ITGA1: variants seen among roughly 807,000 people sequenced by gnomAD.
ITGA1 encodes the protein integrin subunit alpha 1, also known as integrin alpha-1.
Under a neutral mutation model 145.9 loss-of-function variants are expected in ITGA1, and 85 were observed. The ratio of observed to expected loss-of-function variants is 0.58; its 90% CI spans 0.49 to 0.70. The LOEUF (loss-of-function observed/expected upper bound fraction) is 0.70. Among genes scored for constraint, ITGA1 ranks in the 30% least tolerant of loss-of-function variants. ITGA1 has a pLI of 0.00. For missense variants in ITGA1, 1,351 were observed against 1,418.7 expected (o/e 0.95, Z 0.77); for synonymous variants, 520 against 495.3 (o/e 1.05, Z -0.66).
At position 52,897,619 on chromosome 5, in the gene ITGA1, C is replaced by G. The variant is rs547998874; in HGVS notation, c.1164+91C>G. On this transcript the variant is annotated intron_variant, in intron 10 of 28. Coordinates refer to ENST00000282588, the MANE Select transcript of ITGA1 (RefSeq NM_181501.2). ...TCTAGCCATCAGTATGTAAGTGCAACGTGCAGTTCATAGCTTGAACAATTA... is the reference window on the plus strand; with the variant it reads ...TCTAGCCATCAGTATGTAAGTGCAAGGTGCAGTTCATAGCTTGAACAATTA... 3.6e-6 allele frequency: 3 copies of G among 839,062 alleles called. No homozygotes were observed. The African/African-American group carries it at 5.0e-5, about 14-fold the overall frequency. The allele number at this position is 839,062 out of a possible 1,614,324, so 52.0% of individuals were successfully genotyped here. A position where few individuals can be genotyped will look rare whatever the true frequency, so the allele number is the denominator to read the frequency against.
At chr5:52,875,741 C>T (rs909497132) in intron 6 of ITGA1, among the ~76,000 whole-genome samples, 1 of 152,192 alleles carries the variant, frequency 6.6e-6, no homozygotes, top group African/African-American at 2.4e-5. Flanking sequence ...GTCATCCCTG[C>T]ATACCCATTT....
intron 1 of ITGA1, among the ~76,000 whole-genome samples, chr5:52,829,115 C>T (rs751093262): frequency 6.6e-6 from 1 of 152,100 alleles, no homozygotes; most frequent in Non-Finnish European, 1.5e-5. Flanking sequence ...TTACAGATAC[C>T]GATACCGGGG....
At chr5:52,840,535 G>T (rs781214602) in intron 1 of ITGA1, among the ~76,000 whole-genome samples, 2 of 152,140 alleles carry the variant, frequency 1.3e-5, no homozygotes, top group Non-Finnish European at 2.9e-5. Context: ...GTGGTGAAGG[G>T]GGTTGGTTTC....
At chr5:52,845,769 A>C (rs1365299879) in intron 1 of ITGA1, among the ~76,000 whole-genome samples, 2 of 152,198 alleles carry the variant, frequency 1.3e-5, no homozygotes, top group African/African-American at 4.8e-5. Context: ...TCTGACCCAA[A>C]TGTGAATAGT....
intron 16 of ITGA1, 51 bp downstream of exon 16, chr5:52,918,949 G>A (rs1001367428): frequency 7.0e-7 from 1 of 1,430,828 alleles, no homozygotes; most frequent in Non-Finnish European, 9.4e-7. Context: ...CAATATATTT[G>A]CTCTAGCATG....
chr5:52,911,408 G>T (rs868212206), intron 14 of ITGA1, among the ~76,000 whole-genome samples: 1 of 131,090 alleles, frequency 7.6e-6, no homozygotes, highest in African/African-American at 2.8e-5. Flanking sequence ...ATAGTATATA[G>T]TGTATATACA....
At chr5:52,890,807 C>T (rs952333983) in intron 8 of ITGA1, among the ~76,000 whole-genome samples, 4 of 152,178 alleles carry the variant, frequency 2.6e-5, no homozygotes, top group Non-Finnish European at 4.4e-5. Flanking sequence ...TGCTACTGAA[C>T]ACTAGCTCTT....
At chr5:52,790,480 G>T (rs1480442554) in intron 1 of ITGA1, among the ~76,000 whole-genome samples, 1 of 152,202 alleles carries the variant, frequency 6.6e-6, no homozygotes, top group African/African-American at 2.4e-5. Flanking sequence ...CACCAGGGCT[G>T]CATTTCTTCT....
intron 6 of ITGA1, among the ~76,000 whole-genome samples, chr5:52,868,512 G>A (rs1749724835): frequency 6.6e-6 from 1 of 152,214 alleles, no homozygotes; most frequent in African/African-American, 2.4e-5. Context: ...TCCTAAAAGA[G>A]GAGCTATTCT....
chr5:52,909,177 C>T, intron 13 of ITGA1, 136 bp downstream of exon 13: 14 of 822,366 alleles, frequency 1.7e-5, no homozygotes, highest in South Asian at 1.6e-4. Flanking sequence ...ACTCCACCAA[C>T]CCCTCAGTTT....
chr5:52,886,377 A>C (rs745598989), intron 7 of ITGA1, among the ~76,000 whole-genome samples: 4 of 152,238 alleles, frequency 2.6e-5, no homozygotes, highest in Non-Finnish European at 5.9e-5. Context: ...TTCCTGCTTA[A>C]AGATATCAGT....
In ITGA1 at chr5:52,849,479, G is replaced by A. The variant is rs755999231; in HGVS notation, c.176G>A (p.Gly59Glu). The A allele has an allele frequency of 6.3e-7, 1 of 1,598,576 alleles. No homozygotes were observed. Among genetic ancestry groups the A allele is most frequent in the Non-Finnish European group, 8.5e-7 (1 of 1,170,276 alleles). ...GTTCAACAATATGAAAATGAAGAAG[G>A]AAAATGGTAAGCCAGTGGGTTTTGT... is the stretch of plus-strand genomic sequence containing the variant. ...YTVQQYENEE[G>E]KWVLIGSPLV... Residue 59 changes from glycine to glutamate, a missense_variant, in exon 2 of 29, where the codon GGA becomes GAA. Transcript: ENST00000282588.
Position 52,927,633 on chromosome 5 carries a change from T to C in ITGA1, c.2663T>C (p.Val888Ala), listed in dbSNP as rs1317067256. ...CESNHNITCK[V>A]GYPFLRRGEM... Reference sequence around the variant, plus strand: ...TCTAATCATAATATCACATGTAAAGTTGGATATCCCTTCCTGAGAAGAGGA... The same window carrying C: ...TCTAATCATAATATCACATGTAAAGCTGGATATCCCTTCCTGAGAAGAGGA... Residue 888 changes from valine to alanine, a missense_variant, in exon 20 of 29, where the codon GTT (valine) becomes GCT (alanine). Transcript: ENST00000282588. 4.3e-6 allele frequency: 7 copies of C among 1,611,180 alleles called. No homozygotes were observed. The highest frequency in any genetic ancestry group is 1.6e-4 in the Middle Eastern group (1 of 6,080).
chr5:52,833,365 TG>T (rs1749107477), intron 1 of ITGA1, among the ~76,000 whole-genome samples: 1 of 152,182 alleles, frequency 6.6e-6, no homozygotes, highest in South Asian at 2.1e-4. Context: ...GCAACTTAAT[TG>T]TTCACACAGT....
chr5:52,918,517 C>T (rs1454515638), intron 15 of ITGA1, among the ~76,000 whole-genome samples: 3 of 152,058 alleles, frequency 2.0e-5, no homozygotes, highest in Non-Finnish European at 4.4e-5. Context: ...GTGTTTGAAC[C>T]AAAAGCCCCA....
chr5:52,855,753 G>C (rs1245700153), intron 2 of ITGA1, among the ~76,000 whole-genome samples: 1 of 152,146 alleles, frequency 6.6e-6, no homozygotes, highest in Non-Finnish European at 1.5e-5. Context: ...TTATTTTGAT[G>C]CAGTTGGAGA....
At chr5:52,835,579 G>A (rs1217313281) in intron 1 of ITGA1, among the ~76,000 whole-genome samples, 1 of 152,178 alleles carries the variant, frequency 6.6e-6, no homozygotes, top group Non-Finnish European at 1.5e-5. Context: ...AAGGTCAAAT[G>A]AGCCCTCATT....
At chr5:52,798,134 A>T (rs1269090159) in intron 1 of ITGA1, among the ~76,000 whole-genome samples, 1 of 152,246 alleles carries the variant, frequency 6.6e-6, no homozygotes, top group Non-Finnish European at 1.5e-5. Context: ...TGTCCTTTGG[A>T]TAGGCAAATC....
intron 9 of ITGA1, among the ~76,000 whole-genome samples, chr5:52,894,371 C>A (rs1330988685): frequency 6.6e-6 from 1 of 152,146 alleles, no homozygotes; most frequent in African/African-American, 2.4e-5. Flanking sequence ...CTGTATTTGT[C>A]TAAATCATGT....
Sources: allele counts gnomAD v4.1 joint callset (sites outside exome capture counted in the v4.1 genomes callset), GRCh38; gene constraint gnomAD v4.1.1; transcripts MANE v1.5; gene names NCBI Gene and HGNC (gene_info 2026-07-23, HGNC 2026-07-21).